The following CIMAP3 variants were observed in gnomAD, a reference collection of about 807,000 sequenced individuals.
The protein encoded by CIMAP3 is ciliary microtubule-associated protein 3.
At chr1:111,332,377 A>G in the CIMAP3 span, among the ~76,000 whole-genome samples, 1 of 152,096 alleles carries the variant, frequency 6.6e-6, no homozygotes, top group Non-Finnish European at 1.5e-5. Context: ...TCAGGCCTGG[A>G]TTGTGGTCAT....
the CIMAP3 span, among the ~76,000 whole-genome samples, chr1:111,326,326 A>G: frequency 6.6e-6 from 1 of 152,106 alleles, no homozygotes; most frequent in South Asian, 2.1e-4. Context: ...TCCAGCCTCT[A>G]GTATCTACCA....
the CIMAP3 span, among the ~76,000 whole-genome samples, chr1:111,334,319 A>C: frequency 1.2e-4 from 19 of 152,208 alleles, no homozygotes; most frequent in East Asian, 3.7e-3. Flanking sequence ...GCAGGGCTCC[A>C]ATCATTTACC....
the CIMAP3 span, chr1:111,346,593 G>T: frequency 3.7e-6 from 6 of 1,608,458 alleles, no homozygotes; most frequent in South Asian, 2.2e-5. Flanking sequence ...TGGGAATCAC[G>T]GGACTAGCCT....
At chr1:111,330,872 C>G in the CIMAP3 span, among the ~76,000 whole-genome samples, 2 of 152,222 alleles carry the variant, frequency 1.3e-5, no homozygotes, top group African/African-American at 2.4e-5. Context: ...GGTTCCTTGT[C>G]TGGTGATGAG....
At chr1:111,342,076 T>G in the CIMAP3 span, among the ~76,000 whole-genome samples, 1,200 of 152,238 alleles carry the variant, frequency 7.9e-3, 15 homozygotes, top group African/African-American at 0.027. Flanking sequence ...CAGTAAGGTC[T>G]GACAACATTA....
At chr1:111,347,684 T>A in the CIMAP3 span, 1 of 1,608,652 alleles carries the variant, frequency 6.2e-7, no homozygotes, top group Non-Finnish European at 8.5e-7. Flanking sequence ...GGATATGGCT[T>A]GGCATACGAC....
At chr1:111,329,594 G>C in the CIMAP3 span, among the ~76,000 whole-genome samples, 1 of 133,416 alleles carries the variant, frequency 7.5e-6, no homozygotes, top group Non-Finnish European at 1.6e-5. Flanking sequence ...TGCTCTTGTT[G>C]CCCAGCCTGG....
At chr1:111,325,001 T>C in the CIMAP3 span, 1 of 578,778 alleles carries the variant, frequency 1.7e-6, no homozygotes, top group Admixed American at 6.4e-5. Flanking sequence ...ACAAGTTCTC[T>C]GATTCTGGAT....
the CIMAP3 span, among the ~76,000 whole-genome samples, chr1:111,338,272 T>G: frequency 4.7e-3 from 712 of 150,776 alleles, 2 homozygotes; most frequent in African/African-American, 0.016. Flanking sequence ...CACCCTAACA[T>G]CACAATTAAA....
chr1:111,351,175 T>C, the CIMAP3 span: 20 of 932,248 alleles, frequency 2.1e-5, no homozygotes, highest in Non-Finnish European at 3.1e-5. Flanking sequence ...AGTTTTTTTT[T>C]TTTTTTTTTT....
At chr1:111,349,984 G>A in the CIMAP3 span, 7 of 681,268 alleles carry the variant, frequency 1.0e-5, no homozygotes, top group African/African-American at 1.2e-4. Context: ...TAATTAAAAA[G>A]CTAATCAATC....
chr1:111,339,616 G>A, the CIMAP3 span, among the ~76,000 whole-genome samples: 1 of 151,690 alleles, frequency 6.6e-6, no homozygotes, highest in Non-Finnish European at 1.5e-5. Flanking sequence ...TTGCTTCAAA[G>A]AGAATAAAAT....
the CIMAP3 span, chr1:111,349,548 C>T: frequency 6.6e-6 from 1 of 152,400 alleles, no homozygotes; most frequent in Non-Finnish European, 1.5e-5. Context: ...TCTCAAGTTG[C>T]ATTAAGGAAG....
the CIMAP3 span, chr1:111,346,653 A>G: frequency 6.2e-7 from 1 of 1,614,058 alleles, no homozygotes; most frequent in South Asian, 1.1e-5. Context: ...GCAGCTCGCG[A>G]TGTGCTTCAG....
chr1:111,325,237 T>C, the CIMAP3 span, among the ~76,000 whole-genome samples: 1 of 151,630 alleles, frequency 6.6e-6, no homozygotes, highest in Non-Finnish European at 1.5e-5. Context: ...AGCTCTGAAA[T>C]TCTTATGGCA....
the CIMAP3 span, among the ~76,000 whole-genome samples, chr1:111,335,445 G>A: frequency 6.6e-6 from 1 of 152,180 alleles, no homozygotes; most frequent in Non-Finnish European, 1.5e-5. Flanking sequence ...CCCTTTCATA[G>A]TCATAGAAAG....
chr1:111,332,798 T>C, the CIMAP3 span, among the ~76,000 whole-genome samples: 1,206 of 152,222 alleles, frequency 7.9e-3, 16 homozygotes, highest in African/African-American at 0.027. Context: ...ACCCACAGGA[T>C]AGTTTCTGAG....
chr1:111,332,859 C>T, the CIMAP3 span, among the ~76,000 whole-genome samples: 1 of 152,166 alleles, frequency 6.6e-6, no homozygotes, highest in Non-Finnish European at 1.5e-5. Context: ...GCTTGCCCTC[C>T]AGGGGCGGCC....
chr1:111,348,402 C>T, the CIMAP3 span: 620 of 1,145,854 alleles, frequency 5.4e-4, 1 homozygote, highest in African/African-American at 8.3e-3. Flanking sequence ...GTGGCTGAAC[C>T]ATAGCTGATT....
Sources: allele counts gnomAD v4.1 joint callset (sites outside exome capture counted in the v4.1 genomes callset), GRCh38; gene constraint gnomAD v4.1.1; transcripts MANE v1.5; gene names NCBI Gene and HGNC (gene_info 2026-07-23, HGNC 2026-07-21).